Variants in TRAPPC11 observed in about 807,000 individuals in gnomAD.
The protein encoded by TRAPPC11 is foie gras homolog.
TRAPPC11 carries 104 observed loss-of-function variants against 151.2 expected under a neutral mutation model. The ratio of observed to expected loss-of-function variants is 0.69; its 90% confidence interval spans 0.59 to 0.81. The LOEUF (loss-of-function observed/expected upper bound fraction) is 0.81, where lower values mean the gene tolerates loss of function less well. TRAPPC11 is among the 30% of genes least tolerant of loss of function. The pLI, the probability that TRAPPC11 is intolerant of heterozygous loss-of-function variation, is 0.00. For synonymous variants in TRAPPC11, 456 were observed against 472.3 expected, an observed-to-expected ratio of 0.97 and a Z score of 0.45; for missense variants, 1,230 against 1,349.6, an observed-to-expected ratio of 0.91 and a Z score of 1.39.
chr4:183,664,056 C>T lies in TRAPPC11; in HGVS notation c.189C>T (p.Pro63=). Residue 63 remains proline (P), a synonymous_variant, in exon 2 of 30, where the codon CCC becomes CCT. Transcript: ENST00000334690. ...TGCTCCCAGGTGACCATGAGTATCC[C>T]AAATGTAGACCCAAGGTAATGGCAT... ...FKVLPGDHEY[P]KCRPKRTSYE... The T allele has an allele frequency of 6.2e-7, 1 of 1,612,906 alleles. No individual in the cohort carries two copies. The highest frequency in any genetic ancestry group is 8.5e-7 in the Non-Finnish European group (1 of 1,179,862).
At chr4:183,679,207 A>C (rs1023741544) in intron 8 of TRAPPC11, 146 bp from the exon 9 acceptor site, 1 of 698,882 alleles carries the variant, frequency 1.4e-6, no homozygotes, top group Non-Finnish European at 2.1e-6. Context: ...CATTCTGATG[A>C]GGAAAATTAA....
chr4:183,678,485 G>C (rs1258276023), intron 8 of TRAPPC11, among the ~76,000 whole-genome samples: 2 of 152,146 alleles, frequency 1.3e-5, no homozygotes, highest in East Asian at 3.9e-4. Flanking sequence ...AATTATAACT[G>C]TAAACAAAGA....
chr4:183,684,345 TACCAAAGCTTTG>T lies in TRAPPC11; in HGVS notation c.1409_1420del (p.Thr470_Leu473del), dbSNP rs746707295. 6.2e-7 allele frequency: 1 copy of T among 1,613,612 alleles called. No individual in the cohort carries two copies. The highest frequency in any genetic ancestry group is 1.7e-5 in the Admixed American group (1 of 60,026). ...AGGAATATTATTACGCAAAGGATTA[TACCAAAGCTTTG>T]AAGTGAGTCCTGTTCACTATTTACT... On this transcript the variant is annotated inframe_deletion and splice_region_variant, in exon 14 of 30. Transcript: ENST00000334690.
chr4:183,676,291 A>G (rs1735406357), intron 7 of TRAPPC11, among the ~76,000 whole-genome samples: 1 of 152,086 alleles, frequency 6.6e-6, no homozygotes, highest in Non-Finnish European at 1.5e-5. Context: ...CTGGGACTAC[A>G]GGTGCCTGCC....
intron 7 of TRAPPC11, among the ~76,000 whole-genome samples, chr4:183,676,130 A>G (rs1023926773): frequency 3.3e-5 from 5 of 152,160 alleles, no homozygotes; most frequent in African/African-American, 7.2e-5. Context: ...CAACAACTTC[A>G]TATAACTGGC....
intron 1 of TRAPPC11, among the ~76,000 whole-genome samples, chr4:183,662,494 T>C (rs187034532): frequency 9.1e-4 from 138 of 152,310 alleles, no homozygotes; most frequent in African/African-American, 3.2e-3. Flanking sequence ...AGATTTATTA[T>C]GGACTGATTC....
At chr4:183,664,404 C>G (rs962236875) in intron 2 of TRAPPC11, among the ~76,000 whole-genome samples, 2 of 152,014 alleles carry the variant, frequency 1.3e-5, no homozygotes, top group Non-Finnish European at 2.9e-5. Context: ...GTTTTTGAAT[C>G]CCATGGTCTG....
rs559275909 is a variant in TRAPPC11, at chr4:183,662,213, G to C, written c.-21-1634G>C. ...TCCACTAAAATACAAAAAATTAGCT[G>C]GGTGTGGTGGTGCATGCCTGTAGTC... On this transcript the variant is annotated intron_variant, in intron 1 of 29. Transcript: ENST00000334690. Among the ~76,000 whole-genome samples, 3 of 152,132 alleles carry C rather than the reference G, an allele frequency of 2.0e-5. No individual in the cohort carries two copies. The South Asian group carries it at 6.2e-4, about 32-fold the overall frequency.
intron 1 of TRAPPC11, among the ~76,000 whole-genome samples, chr4:183,661,395 G>A (rs1241224041): frequency 5.2e-5 from 6 of 115,100 alleles, no homozygotes; most frequent in African/African-American, 6.8e-5. Context: ...TTGAGACGGA[G>A]TCTCCTCGCT....
intron 23 of TRAPPC11, 112 bp from the exon 24 acceptor site, chr4:183,697,391 T>C (rs529420051): frequency 6.3e-6 from 6 of 954,498 alleles, no homozygotes; most frequent in Non-Finnish European, 9.4e-6. Context: ...CTTTACTTCT[T>C]AGTATGTATA....
Position 183,693,005 on chromosome 4 carries a change from G to A in TRAPPC11, c.2095G>A (p.Val699Met), listed in dbSNP as rs376585316. The A allele has an allele frequency of 9.9e-6, 16 of 1,613,618 alleles. No homozygotes were observed. Among genetic ancestry groups the A allele is most frequent in the Non-Finnish European group, 1.4e-5 (16 of 1,179,834 alleles). ...TCTGGGCAATGAGACGGGAAGATGT[G>A]TGGTTTTAAATTGGCAGGGAGGAGG... ...LALGNETGRC[V>M]VLNWQGGGGD... The change falls in exon 20 of 30, where the codon GTG becomes ATG. Residue 699 changes from valine (V) to methionine (M), a missense_variant. Val to Met is a conservative substitution (Grantham distance 21). Coordinates refer to ENST00000334690, the MANE Select transcript of TRAPPC11 (RefSeq NM_021942.6).
chr4:183,696,092 G>C (rs1299227715), intron 23 of TRAPPC11, among the ~76,000 whole-genome samples: 2 of 152,104 alleles, frequency 1.3e-5, no homozygotes, highest in Non-Finnish European at 1.5e-5. Context: ...ATGCTCCCAG[G>C]AGCATTTTGG....
chr4:183,667,481 T>C (rs551232730), intron 4 of TRAPPC11, among the ~76,000 whole-genome samples: 2 of 152,280 alleles, frequency 1.3e-5, no homozygotes, highest in South Asian at 2.1e-4. Flanking sequence ...AATTTACTTA[T>C]CTAAGATCTA....
intron 29 of TRAPPC11, among the ~76,000 whole-genome samples, chr4:183,710,290 C>CA (rs1206239576): frequency 1.7e-4 from 25 of 146,860 alleles, no homozygotes; most frequent in South Asian, 4.4e-4. Context: ...AGAAAATAAA[C>CA]TTTTTTTTTT....
chr4:183,691,797 C>T (rs1234261956), intron 19 of TRAPPC11, among the ~76,000 whole-genome samples: 1 of 151,862 alleles, frequency 6.6e-6, no homozygotes, highest in Non-Finnish European at 1.5e-5. Context: ...ACCACATAAT[C>T]AGTTAAGGAG....
chr4:183,683,046 G>C (rs1297304162), intron 11 of TRAPPC11, among the ~76,000 whole-genome samples: 1 of 152,022 alleles, frequency 6.6e-6, no homozygotes, highest in Admixed American at 6.6e-5. Flanking sequence ...GTATCTGGGT[G>C]TGGTGGCACA....
At chr4:183,684,665 C>G in intron 14 of TRAPPC11, 31 bp from the exon 15 acceptor site, 1 of 1,606,554 alleles carries the variant, frequency 6.2e-7, no homozygotes, top group South Asian at 1.1e-5. Context: ...CTTGTGAAGC[C>G]GGTTCAGTAT....
chr4:183,670,802 T>C (rs1450730178), intron 5 of TRAPPC11, among the ~76,000 whole-genome samples: 1 of 152,098 alleles, frequency 6.6e-6, no homozygotes, highest in Non-Finnish European at 1.5e-5. Flanking sequence ...TGGTTTTTTT[T>C]TGAGACAAAG....
At chr4:183,701,534 A>G in intron 25 of TRAPPC11, 163 bp from the exon 26 acceptor site, 1 of 562,802 alleles carries the variant, frequency 1.8e-6, no homozygotes, top group Non-Finnish European at 3.2e-6. Context: ...GGACTTTGTG[A>G]CCTTGAAAAA....
Sources: allele counts gnomAD v4.1 joint callset (sites outside exome capture counted in the v4.1 genomes callset), GRCh38; gene constraint gnomAD v4.1.1; transcripts MANE v1.5; gene names NCBI Gene and HGNC (gene_info 2026-07-23, HGNC 2026-07-21).